Variants in NUP93 observed in about 807,000 individuals in gnomAD.
NUP93 encodes nuclear pore complex protein Nup93.
Under a neutral mutation model 107.8 loss-of-function variants are expected in NUP93, and 55 were observed. That is an observed-to-expected ratio of 0.51 (90% CI 0.41 to 0.64). The LOEUF (loss-of-function observed/expected upper bound fraction) is 0.64, where lower values mean the gene tolerates loss of function less well. Ranked by LOEUF, NUP93 falls within the 30% of genes least tolerant of loss-of-function variation. The pLI is 0.00. For synonymous variants in NUP93, 390 were observed against 397.5 expected (o/e 0.98, Z 0.22); for missense variants, 937 against 1,044.7 (o/e 0.90, Z 1.42).
Position 56,744,550 on chromosome 16 carries a change from C to T in NUP93, c.-14-3684C>T, listed in dbSNP as rs1177834324. ...CTACTGATTGAGTAATAATGCAGGA[C>T]AGATCCAGTTTTTCCCAAATATAGT... On this transcript the variant is annotated intron_variant, in intron 1 of 21. Transcript: ENST00000308159. Among the ~76,000 whole-genome samples, 5 of 152,182 alleles carry T rather than the reference C, an allele frequency of 3.3e-5. No individual in the cohort carries two copies. The East Asian group carries it at 9.6e-4, about 29-fold the overall frequency.
rs1190189482 is a variant in NUP93 at position 56,830,613 on chromosome 16, T to C, written c.1013T>C (p.Val338Ala). The part of the protein sequence containing the change: ...CGDLLAASQV[V>A]NRAQHQLGEF... ...GACCTGCTTGCCGCTTCACAGGTAGTTAATCGAGCCCAGCACCAGCTGGGA... is the reference window on the plus strand; with the variant it reads ...GACCTGCTTGCCGCTTCACAGGTAGCTAATCGAGCCCAGCACCAGCTGGGA... The change falls in exon 10 of 22, where the codon GTT becomes GCT. Residue 338 changes from valine (V) to alanine (A), a missense_variant. Coordinates refer to ENST00000308159, the MANE Select transcript of NUP93 (RefSeq NM_014669.5). 10 of 1,610,862 alleles carry C rather than the reference T, an allele frequency of 6.2e-6. No individual in the cohort carries two copies. The highest frequency in any genetic ancestry group is 7.6e-6 in the Non-Finnish European group (9 of 1,177,306).
In NUP93 at chr16:56,754,904, A is replaced by G. The variant is rs367608427; in HGVS notation, c.180-3634A>G. ...TCTGGTAGCTGTTCGGAGGCTCCCA[A>G]AATTTTGTGTTTTTAATCTTTTTCT... On this transcript the variant is annotated intron_variant, in intron 2 of 21. Transcript: ENST00000308159. 4.6e-5 allele frequency among the ~76,000 whole-genome samples: 7 copies of G among 152,312 alleles called. No individual in the cohort carries two copies. The East Asian group carries it at 1.2e-3, about 25-fold the overall frequency.
At chr16:56,819,427 T>G (rs1963499442) in intron 6 of NUP93, among the ~76,000 whole-genome samples, 2 of 152,226 alleles carry the variant, frequency 1.3e-5, no homozygotes, top group African/African-American at 4.8e-5. Context: ...ATATCCTGTT[T>G]CTTGAATTGA....
chr16:56,754,878 C>A (rs1364382218), intron 2 of NUP93, among the ~76,000 whole-genome samples: 1 of 152,198 alleles, frequency 6.6e-6, no homozygotes, highest in African/African-American at 2.4e-5. Context: ...TCTCTACATT[C>A]TCTGGTAGCT....
intron 11 of NUP93, 108 bp from the exon 12 acceptor site, chr16:56,832,187 C>T (rs990781173): frequency 8.0e-6 from 10 of 1,247,166 alleles, no homozygotes; most frequent in Middle Eastern, 2.0e-4. Context: ...GCCTTAAACA[C>T]AGCTTCTAGC....
At chr16:56,731,915 A>G (rs148790337) in intron 1 of NUP93, among the ~76,000 whole-genome samples, 241 of 152,122 alleles carry the variant, frequency 1.6e-3, no homozygotes, top group East Asian at 0.012. Context: ...AAACCCTCCA[A>G]TGGGTCCCCA....
chr16:56,794,403 T>C (rs1375702231), intron 3 of NUP93, among the ~76,000 whole-genome samples: 4 of 32,572 alleles, frequency 1.2e-4, no homozygotes, highest in Admixed American at 4.3e-4. Flanking sequence ...TGCAGCTTTA[T>C]AGTAAATAAA....
intron 8 of NUP93, among the ~76,000 whole-genome samples, chr16:56,828,117 C>T (rs1963705626): frequency 6.8e-6 from 1 of 148,026 alleles, no homozygotes; most frequent in East Asian, 2.0e-4. Flanking sequence ...AGTGAGAATC[C>T]ATCTCAAAAA....
chr16:56,760,478 G>C (rs1453910700), intron 3 of NUP93, among the ~76,000 whole-genome samples: 3 of 152,194 alleles, frequency 2.0e-5, no homozygotes, highest in Non-Finnish European at 4.4e-5. Context: ...ACCAGCATCT[G>C]CTTCTGGGGA....
chr16:56,775,826 C>G (rs920596811), intron 3 of NUP93, among the ~76,000 whole-genome samples: 36 of 152,150 alleles, frequency 2.4e-4, no homozygotes, highest in Non-Finnish European at 4.4e-5. Context: ...CAAGGCCACC[C>G]CTCCCTTGCC....
chr16:56,793,937 C>T (rs1334659861), intron 3 of NUP93, among the ~76,000 whole-genome samples: 2 of 151,936 alleles, frequency 1.3e-5, no homozygotes, highest in African/African-American at 4.8e-5. Flanking sequence ...CCTGTAGTCC[C>T]AGCTACTCAG....
chr16:56,829,776 G>A (rs1963742743), intron 9 of NUP93, among the ~76,000 whole-genome samples: 1 of 152,204 alleles, frequency 6.6e-6, no homozygotes, highest in Non-Finnish European at 1.5e-5. Context: ...AAGGCCTTAA[G>A]TGCCAGGCCC....
chr16:56,810,769 C>T (rs1963298265), intron 5 of NUP93, among the ~76,000 whole-genome samples: 1 of 151,828 alleles, frequency 6.6e-6, no homozygotes, highest in Non-Finnish European at 1.5e-5. Context: ...TTTCTGGTCA[C>T]CAGCGCCCCA....
intron 17 of NUP93, 114 bp from the exon 18 acceptor site, chr16:56,837,494 C>A: frequency 1.3e-6 from 1 of 767,166 alleles, no homozygotes; most frequent in Admixed American, 2.2e-5. Context: ...ACTTGGGAGG[C>A]GGTAAAAAAT....
intron 3 of NUP93, among the ~76,000 whole-genome samples, chr16:56,774,864 A>G (rs926354033): frequency 6.6e-6 from 1 of 150,830 alleles, no homozygotes. Flanking sequence ...GGGTAGTCCT[A>G]TCAGTCACCA....
intron 5 of NUP93, among the ~76,000 whole-genome samples, chr16:56,817,216 G>C (rs1796946855): frequency 6.6e-6 from 1 of 152,154 alleles, no homozygotes; most frequent in African/African-American, 2.4e-5. Context: ...CTGAGGAGGT[G>C]CTTTGCTTCA....
At chr16:56,801,099 TC>T (rs2144563050) in intron 4 of NUP93, among the ~76,000 whole-genome samples, 1 of 152,356 alleles carries the variant, frequency 6.6e-6, no homozygotes, top group South Asian at 2.1e-4. Flanking sequence ...TTCCAGTTTA[TC>T]CTTTTTCTTG....
chr16:56,841,360 A>T (rs1402160045), intron 20 of NUP93, among the ~76,000 whole-genome samples: 5 of 151,920 alleles, frequency 3.3e-5, no homozygotes, highest in Admixed American at 1.3e-4. Flanking sequence ...ACCTCCTGAC[A>T]TTCAAGTTCA....
chr16:56,737,179 C>T (rs1226778167), intron 1 of NUP93, among the ~76,000 whole-genome samples: 2 of 152,188 alleles, frequency 1.3e-5, no homozygotes, highest in Non-Finnish European at 2.9e-5. Flanking sequence ...TTTATTTCCT[C>T]ACAGTTTTGG....
Sources: allele counts gnomAD v4.1 joint callset (sites outside exome capture counted in the v4.1 genomes callset), GRCh38; gene constraint gnomAD v4.1.1; transcripts MANE v1.5; gene names NCBI Gene and HGNC (gene_info 2026-07-23, HGNC 2026-07-21).